Variants in TENM3 observed in about 807,000 individuals in gnomAD.
TENM3 encodes teneurin-3.
A neutral mutation model predicts 255.1 loss-of-function variants in TENM3; 63 were observed. That is an observed-to-expected ratio of 0.25 (90% CI 0.20 to 0.30). TENM3 has a LOEUF of 0.30. Ranked by LOEUF, TENM3 falls within the 10% of genes least tolerant of loss-of-function variation. TENM3 has a pLI of 1.00. For missense variants in TENM3, 2,929 were observed against 3,461.1 expected, an observed-to-expected ratio of 0.85 and a Z score of 3.86; for synonymous variants, 1,306 against 1,322.3, an observed-to-expected ratio of 0.99 and a Z score of 0.27.
At chr4:182,086,655 T>C in the TENM3 span, among the ~76,000 whole-genome samples, 1 of 152,180 alleles carries the variant, frequency 6.6e-6, no homozygotes, top group African/African-American at 2.4e-5. Flanking sequence ...TGCTTTTGAG[T>C]AAGAAATATT....
At chr4:181,861,613 C>T in the TENM3 span, among the ~76,000 whole-genome samples, 106 of 152,102 alleles carry the variant, frequency 7.0e-4, no homozygotes, top group African/African-American at 2.5e-3. Flanking sequence ...ATCCCTAATA[C>T]TTCTAAGTCC....
At chr4:182,668,469 G>A (rs570455055) in intron 6 of TENM3, among the ~76,000 whole-genome samples, 3 of 152,048 alleles carry the variant, frequency 2.0e-5, no homozygotes, top group African/African-American at 7.2e-5. Flanking sequence ...ACTAGAACTC[G>A]AAGATTCTGT....
chr4:182,425,522 G>A (rs1361779300), intron 3 of TENM3, among the ~76,000 whole-genome samples: 1 of 152,154 alleles, frequency 6.6e-6, no homozygotes, highest in Non-Finnish European at 1.5e-5. Flanking sequence ...TTCCGTTGTA[G>A]TATGTGCTGC....
intron 3 of TENM3, among the ~76,000 whole-genome samples, chr4:182,564,633 A>G (rs1743581599): frequency 6.7e-6 from 1 of 150,024 alleles, no homozygotes; most frequent in Non-Finnish European, 1.5e-5. Context: ...TTCTTGACAC[A>G]CGGTAAATAT....
At chr4:181,956,198 CT>C in the TENM3 span, among the ~76,000 whole-genome samples, 2 of 152,164 alleles carry the variant, frequency 1.3e-5, no homozygotes, top group Non-Finnish European at 2.9e-5. Flanking sequence ...AAGGGCTCTG[CT>C]TCCATGATCT....
Position 182,731,697 on chromosome 4 carries a change from GTGT to G in TENM3, c.2967+559_2967+561del, listed in dbSNP as rs1561172547. On this transcript the variant is annotated intron_variant, in intron 16 of 27. Transcript: ENST00000511685. Reference sequence around the variant, plus strand: ...ATGAATATATAGTGGGTGTTGGGGTGTGTGTGTGTGTGTGTGTGTGTGTGTGTG... The same window carrying G: ...ATGAATATATAGTGGGTGTTGGGGTGGTGTGTGTGTGTGTGTGTGTGTGTG... Among the ~76,000 whole-genome samples the G allele has an allele frequency of 4.9e-3, 374 of 76,548 alleles. 2 individuals carry two copies. Among genetic ancestry groups the G allele is most frequent in the Middle Eastern group, 0.021 (4 of 194 alleles). The allele number at this position is 76,548 out of a possible 152,430, so 50.2% of individuals were successfully genotyped here.
intron 1 of TENM3, among the ~76,000 whole-genome samples, chr4:182,300,329 C>T (rs1475095305): frequency 1.3e-5 from 2 of 152,178 alleles, no homozygotes; most frequent in African/African-American, 2.4e-5. Context: ...GAGGGAACCT[C>T]TGCTGAACAT....
the TENM3 span, among the ~76,000 whole-genome samples, chr4:181,993,283 G>A: frequency 6.6e-6 from 1 of 151,986 alleles, no homozygotes; most frequent in Admixed American, 6.6e-5. Flanking sequence ...TATTTCAGAG[G>A]TACAGATGCT....
the TENM3 span, among the ~76,000 whole-genome samples, chr4:181,460,164 T>A: frequency 2.0e-5 from 3 of 152,134 alleles, no homozygotes; most frequent in Non-Finnish European, 4.4e-5. Context: ...ATTGACACGG[T>A]ATTCTGCAAT....
the TENM3 span, among the ~76,000 whole-genome samples, chr4:182,127,243 T>G: frequency 6.6e-6 from 1 of 152,228 alleles, no homozygotes; most frequent in Non-Finnish European, 1.5e-5. Flanking sequence ...TGGATAAATT[T>G]AAAAGCAGCT....
the TENM3 span, among the ~76,000 whole-genome samples, chr4:181,538,838 CTTCT>C: frequency 6.6e-6 from 1 of 152,152 alleles, no homozygotes; most frequent in South Asian, 2.1e-4. Flanking sequence ...TGAATAATTA[CTTCT>C]TTCTTTGTTC....
chr4:181,690,240 GCACA>G, the TENM3 span, among the ~76,000 whole-genome samples: 2,673 of 150,544 alleles, frequency 0.018, 74 homozygotes, highest in African/African-American at 0.06. Context: ...GCGTGAGCGT[GCACA>G]CACACACACA....
At chr4:182,371,250 C>CACAG (rs1435502850) in intron 3 of TENM3, among the ~76,000 whole-genome samples, 1 of 150,988 alleles carries the variant, frequency 6.6e-6, no homozygotes, top group African/African-American at 2.4e-5. Flanking sequence ...CACACACACA[C>CACAG]ACACACACAC....
At chr4:182,085,940 A>G in the TENM3 span, among the ~76,000 whole-genome samples, 1 of 152,188 alleles carries the variant, frequency 6.6e-6, no homozygotes, top group Admixed American at 6.5e-5. Context: ...ACCAACTCTC[A>G]TATTAGGAAA....
At chr4:181,777,059 T>G in the TENM3 span, among the ~76,000 whole-genome samples, 1 of 152,168 alleles carries the variant, frequency 6.6e-6, no homozygotes, top group Non-Finnish European at 1.5e-5. Flanking sequence ...TTTTATAGTT[T>G]TGGGTCTTAT....
intron 3 of TENM3, among the ~76,000 whole-genome samples, chr4:182,387,011 T>A (rs112246297): frequency 6.6e-6 from 1 of 152,132 alleles, no homozygotes; most frequent in Non-Finnish European, 1.5e-5. Flanking sequence ...CCAGCTGGCC[T>A]CCTGAGTCTG....
At chr4:181,690,446 G>A in the TENM3 span, among the ~76,000 whole-genome samples, 24 of 152,256 alleles carry the variant, frequency 1.6e-4, no homozygotes, top group African/African-American at 5.3e-4. Context: ...AGAAAAGCCA[G>A]GGATATATAA....
chr4:182,561,516 C>G (rs1482324620), intron 3 of TENM3, among the ~76,000 whole-genome samples: 2 of 150,884 alleles, frequency 1.3e-5, no homozygotes, highest in African/African-American at 4.9e-5. Context: ...TAGTTTTTCT[C>G]TTTTCCCAGT....
chr4:182,282,069 G>C (rs1350497577), intron 1 of TENM3, among the ~76,000 whole-genome samples: 1 of 152,210 alleles, frequency 6.6e-6, no homozygotes, highest in Non-Finnish European at 1.5e-5. Context: ...TTAATTGGTA[G>C]TGTGGTAATT....
Sources: allele counts gnomAD v4.1 joint callset (sites outside exome capture counted in the v4.1 genomes callset), GRCh38; gene constraint gnomAD v4.1.1; transcripts MANE v1.5; gene names NCBI Gene and HGNC (gene_info 2026-07-23, HGNC 2026-07-21).